The following GFM1 variants were observed in gnomAD, a reference collection of about 807,000 sequenced individuals.
The protein encoded by GFM1 is G elongation factor mitochondrial 1, also known as elongation factor G, mitochondrial.
In GFM1, 62 loss-of-function variants were observed where a neutral mutation model predicts 96.2. The observed-to-expected ratio is 0.64, with a 90% CI of 0.53 to 0.80. The LOEUF (loss-of-function observed/expected upper bound fraction) is 0.80. Ranked by LOEUF, GFM1 falls within the 30% of genes least tolerant of loss-of-function variation. GFM1 has a pLI of 0.00. For synonymous variants in GFM1, 282 were observed against 312.9 expected, an observed-to-expected ratio of 0.90 and a Z score of 1.04; for missense variants, 852 against 916.6, an observed-to-expected ratio of 0.93 and a Z score of 0.91.
chr3:158,685,154 A>G (rs910719490), intron 15 of GFM1: 91 of 156,860 alleles, frequency 5.8e-4, no homozygotes, highest in African/African-American at 2.1e-3. Flanking sequence ...ATTTCTTGCA[A>G]AACTGCTAAA....
chr3:158,689,755 A>AG (rs1377906432), intron 15 of GFM1, among the ~76,000 whole-genome samples: 4 of 151,952 alleles, frequency 2.6e-5, no homozygotes, highest in Non-Finnish European at 4.4e-5. Flanking sequence ...GACAAAAAAA[A>AG]AAAAAAAAGA....
intron 5 of GFM1, chr3:158,650,288 C>T: frequency 1.9e-6 from 1 of 533,626 alleles, no homozygotes; most frequent in Non-Finnish European, 3.4e-6. Context: ...TGCTATGTCC[C>T]AGCCCCTAGA....
In GFM1 at chr3:158,691,199, A is replaced by T; in HGVS notation, c.2124+7A>T. 6.2e-7 allele frequency: 1 copy of T among 1,611,272 alleles called. No homozygotes were observed. On this transcript the variant is annotated splice_region_variant and intron_variant, in intron 17 of 17. Transcript: ENST00000486715. ...ACTTAGGTCATGCACAGAGGTAGGC[A>T]AATTTAAACTTACCCTTCAAAAGAC...
chr3:158,678,005 T>C (rs1376914208), intron 13 of GFM1, among the ~76,000 whole-genome samples: 1 of 152,160 alleles, frequency 6.6e-6, no homozygotes, highest in Non-Finnish European at 1.5e-5. Context: ...CTAGGGCCCA[T>C]AATAATTATG....
At position 158,682,632 on chromosome 3, in the gene GFM1, A is replaced by G. The variant is rs371645640; in HGVS notation, c.1764+475A>G. Among the ~76,000 whole-genome samples, 8 of 152,350 alleles carry G rather than the reference A, an allele frequency of 5.3e-5. 1 individual carries two copies. Among genetic ancestry groups the G allele is most frequent in the East Asian group, 3.9e-4 (2 of 5,186 alleles). On this transcript the variant is annotated intron_variant, in intron 14 of 17. Transcript: ENST00000486715. ...AAATACTTAAACCTGCACCCCTCAC[A>G]AAATTGAGGATCAGATAAGACTATG... is the stretch of plus-strand genomic sequence containing the variant.
chr3:158,650,096 A>G (rs1175396832), intron 5 of GFM1: 2 of 1,493,936 alleles, frequency 1.3e-6, no homozygotes, highest in Non-Finnish European at 9.0e-7. Context: ...TGAACTATAG[A>G]ATTTATCTTC....
chr3:158,654,205 CTTTTTTTTTT>C (rs551796824), intron 7 of GFM1, among the ~76,000 whole-genome samples: 2 of 85,974 alleles, frequency 2.3e-5, no homozygotes, highest in African/African-American at 4.8e-5. Flanking sequence ...CTCTAAAGAC[CTTTTTTTTTT>C]TTTTTTTTTT....
At chr3:158,681,868 T>A in intron 13 of GFM1, 127 bp from the exon 14 acceptor site, 1 of 849,684 alleles carries the variant, frequency 1.2e-6, no homozygotes, top group Admixed American at 2.5e-5. Context: ...AATAAACTTT[T>A]ATAGCAAGAC....
chr3:158,691,046 A>G (rs1264347222), intron 16 of GFM1, 93 bp from the exon 17 acceptor site: 3 of 840,416 alleles, frequency 3.6e-6, no homozygotes, highest in Non-Finnish European at 6.2e-6. Context: ...AGAAATCTTA[A>G]TCTAAAGGAA....
chr3:158,671,923 A>G (rs968689655), intron 13 of GFM1, among the ~76,000 whole-genome samples: 2 of 152,156 alleles, frequency 1.3e-5, no homozygotes, highest in African/African-American at 4.8e-5. Flanking sequence ...AAAGGGTCTG[A>G]TAAGGATTTG....
intron 4 of GFM1, among the ~76,000 whole-genome samples, chr3:158,647,490 A>G (rs1181866651): frequency 5.9e-5 from 9 of 152,234 alleles, no homozygotes; most frequent in Non-Finnish European, 1.3e-4. Context: ...AAAGCCTTTA[A>G]AAAGAGTCAG....
chr3:158,660,601 T>C (rs1027881041), intron 9 of GFM1: 2 of 434,836 alleles, frequency 4.6e-6, no homozygotes, highest in Non-Finnish European at 8.4e-6. Flanking sequence ...AGGCACTGTG[T>C]TGTTAGTACT....
chr3:158,659,827 G>A (rs1486723807), intron 9 of GFM1, among the ~76,000 whole-genome samples: 1 of 152,140 alleles, frequency 6.6e-6, no homozygotes, highest in African/African-American at 2.4e-5. Context: ...AAGAGGAATT[G>A]TCAGTCTGAA....
chr3:158,661,045 T>G (rs188478698), intron 10 of GFM1, 70 bp downstream of exon 10: 3 of 1,256,470 alleles, frequency 2.4e-6, no homozygotes, highest in Non-Finnish European at 3.5e-6. Context: ...GTAGTGCATT[T>G]AATACTTCAG....
rs1428175167 is a variant in GFM1, at chr3:158,694,782, A to G, written c.*3315A>G. Reference sequence around the variant, plus strand: ...CAAAAGAACTTGTTCAACTTCTAAAAATTCGTAATTCAGGTAGGAAGAAAA... The same window carrying G: ...CAAAAGAACTTGTTCAACTTCTAAAGATTCGTAATTCAGGTAGGAAGAAAA... On this transcript the variant is annotated 3_prime_UTR_variant, in exon 18 of 18. Transcript: ENST00000486715. Among the ~76,000 whole-genome samples the G allele has an allele frequency of 6.6e-6, 1 of 152,236 alleles. No homozygotes were observed. Among genetic ancestry groups the G allele is most frequent in the Admixed American group, 6.5e-5 (1 of 15,278 alleles).
chr3:158,687,748 G>A (rs1447580170), intron 15 of GFM1, among the ~76,000 whole-genome samples: 5 of 152,116 alleles, frequency 3.3e-5, no homozygotes, highest in South Asian at 2.1e-4. Context: ...GATTACAGGC[G>A]TGAGCCACCA....
At chr3:158,672,618 C>T in intron 13 of GFM1, 3 of 979,420 alleles carry the variant, frequency 3.1e-6, no homozygotes, top group Non-Finnish European at 4.5e-6. Flanking sequence ...TCTTCTTCCT[C>T]AGCTCCTTCC....
chr3:158,672,310 C>T (rs2108069668), intron 13 of GFM1: 1 of 1,609,348 alleles, frequency 6.2e-7, no homozygotes, highest in Non-Finnish European at 8.5e-7. Context: ...GGAGCGCAAT[C>T]CTGAAGCCTC....
intron 13 of GFM1, among the ~76,000 whole-genome samples, chr3:158,676,485 A>C (rs1214480078): frequency 6.6e-6 from 1 of 152,146 alleles, no homozygotes; most frequent in Admixed American, 6.5e-5. Context: ...TGATATATAT[A>C]CTGTTTTATT....
Sources: allele counts gnomAD v4.1 joint callset (sites outside exome capture counted in the v4.1 genomes callset), GRCh38; gene constraint gnomAD v4.1.1; transcripts MANE v1.5; gene names NCBI Gene and HGNC (gene_info 2026-07-23, HGNC 2026-07-21).